Variants in MINDY2 observed in about 807,000 individuals in gnomAD.
MINDY2 encodes ubiquitin carboxyl-terminal hydrolase MINDY-2.
Under a neutral mutation model 68.2 loss-of-function variants are expected in MINDY2, and 52 were observed. The observed-to-expected ratio is 0.76, with a 90% CI of 0.61 to 0.96. The LOEUF (loss-of-function observed/expected upper bound fraction) is 0.96, where lower values mean the gene tolerates loss of function less well. Ranked by LOEUF, MINDY2 falls within the 40% of genes least tolerant of loss-of-function variation. The pLI, the probability that MINDY2 is intolerant of heterozygous loss-of-function variation, is 0.00. For missense variants in MINDY2, 881 were observed against 773.4 expected (o/e 1.14, Z -1.65); for synonymous variants, 372 against 303.0 (o/e 1.23, Z -2.36).
At chr15:58,848,887 C>T (rs1250557449) in intron 7 of MINDY2, among the ~76,000 whole-genome samples, 2 of 152,016 alleles carry the variant, frequency 1.3e-5, no homozygotes, top group South Asian at 2.1e-4. Flanking sequence ...GAGAAATATG[C>T]GAGATTTTTC....
intron 6 of MINDY2, among the ~76,000 whole-genome samples, chr15:58,837,934 A>C (rs138790473): frequency 6.9e-6 from 1 of 144,638 alleles, no homozygotes; most frequent in Non-Finnish European, 1.5e-5. Context: ...ATGCCACTGC[A>C]CTCCAACCTG....
chr15:58,802,808 A>G (rs755416711), intron 3 of MINDY2, among the ~76,000 whole-genome samples: 1 of 152,188 alleles, frequency 6.6e-6, no homozygotes, highest in African/African-American at 2.4e-5. Flanking sequence ...AAGTTTTGCT[A>G]TTTGATAGTT....
In MINDY2 at chr15:58,821,823, G is replaced by A; in HGVS notation, c.1225+4G>A. On this transcript the variant is annotated splice_donor_region_variant and intron_variant, in intron 5 of 8. Transcript: ENST00000559228. ...AATAGTGAGCTGGTTAGTGAAGGTG[G>A]GTGAGTGCTGCTATTTCCTGACTTT... 6.4e-7 allele frequency: 1 copy of A among 1,560,422 alleles called. No homozygotes were observed. The highest frequency in any genetic ancestry group is 1.4e-5 in the African/African-American group (1 of 72,302).
chr15:58,808,446 A>G (rs1567054202), intron 3 of MINDY2, among the ~76,000 whole-genome samples: 1 of 151,860 alleles, frequency 6.6e-6, no homozygotes, highest in African/African-American at 2.4e-5. Context: ...CCAGAATGTC[A>G]TTTGGAATTA....
intron 4 of MINDY2, among the ~76,000 whole-genome samples, chr15:58,819,479 G>A (rs1033022070): frequency 4.6e-5 from 7 of 152,184 alleles, no homozygotes; most frequent in African/African-American, 1.2e-4. Context: ...GTGACAGAGC[G>A]TGGGAGACAG....
chr15:58,788,034 C>T (rs1479843398), intron 2 of MINDY2, 71 bp downstream of exon 2: 1 of 1,038,474 alleles, frequency 9.6e-7, no homozygotes, highest in Non-Finnish European at 1.4e-6. Flanking sequence ...ATTACCCAGT[C>T]TCACCTTTCT....
At chr15:58,836,886 T>G (rs909910511) in intron 6 of MINDY2, among the ~76,000 whole-genome samples, 15 of 152,144 alleles carry the variant, frequency 9.9e-5, no homozygotes, top group African/African-American at 3.6e-4. Context: ...TCCCAGAGTG[T>G]TGGGATTACA....
chr15:58,783,121 A>C (rs2140907629), intron 1 of MINDY2, among the ~76,000 whole-genome samples: 1 of 151,874 alleles, frequency 6.6e-6, no homozygotes, highest in Middle Eastern at 3.4e-3. Context: ...GGATTTCACC[A>C]TGTTAGCCAG....
rs1476818591 is a variant in MINDY2, at chr15:58,828,693, T to TCC, written c.1226-3081_1226-3080insCC. ...CTCCTGCCTCAGCCTCCCGGGTAGCTGGGACTACAGGCGCCTGCCACCATG... is the reference window on the plus strand; with the variant it reads ...CTCCTGCCTCAGCCTCCCGGGTAGCTCCGGGACTACAGGCGCCTGCCACCATG... On this transcript the variant is annotated intron_variant, in intron 5 of 8. Transcript: ENST00000559228. 1.1e-4 allele frequency among the ~76,000 whole-genome samples: 17 copies of TCC among 150,866 alleles called. No individual in the cohort carries two copies. In the South Asian group the frequency reaches 3.1e-3, roughly 28 times the overall value.
intron 2 of MINDY2, among the ~76,000 whole-genome samples, chr15:58,792,987 G>A (rs1206212886): frequency 6.6e-6 from 1 of 152,050 alleles, no homozygotes; most frequent in Admixed American, 6.6e-5. Flanking sequence ...GGGTGAGAGA[G>A]CAAGAACCTT....
At chr15:58,772,788 C>T (rs545186997) in intron 1 of MINDY2, among the ~76,000 whole-genome samples, 3 of 152,300 alleles carry the variant, frequency 2.0e-5, no homozygotes. Flanking sequence ...ATTACCGTAA[C>T]TTCTTGGTTT....
chr15:58,801,646 G>T (rs918847317), intron 2 of MINDY2, among the ~76,000 whole-genome samples: 2 of 151,922 alleles, frequency 1.3e-5, no homozygotes, highest in Admixed American at 1.3e-4. Context: ...GAAAAGAAAA[G>T]AAATTTTTTT....
In MINDY2 at chr15:58,847,305, G is replaced by A. The variant is rs986117523; in HGVS notation, c.1377G>A (p.Leu459=). The change falls in exon 7 of 9, where the codon CTG becomes CTA. Residue 459 remains leucine (L), a synonymous_variant. Coordinates refer to ENST00000559228, the MANE Select transcript of MINDY2 (RefSeq NM_001040450.3). ...FSTMTKYKGQ[L]YLLVTDQGFL... ...TGTTACTTCTTATTAAGGGTCAACT[G>A]TATTTGTTGGTAACGGACCAGGGGT... 2.5e-6 allele frequency: 4 copies of A among 1,574,000 alleles called. No individual in the cohort carries two copies. Among genetic ancestry groups the A allele is most frequent in the Non-Finnish European group, 3.5e-6 (4 of 1,150,078 alleles).
At chr15:58,795,178 AAAAT>A (rs57658375) in intron 2 of MINDY2, among the ~76,000 whole-genome samples, 3 of 149,892 alleles carry the variant, frequency 2.0e-5, no homozygotes, top group Non-Finnish European at 4.4e-5. Context: ...TCGTCTCCAA[AAAAT>A]AAATAAATAA....
chr15:58,847,541 A>C, intron 7 of MINDY2, 71 bp downstream of exon 7: 1 of 1,332,054 alleles, frequency 7.5e-7, no homozygotes. Context: ...CATGTATCCA[A>C]AATTTTTCAA....
chr15:58,840,023 G>A (rs911761343), intron 6 of MINDY2, among the ~76,000 whole-genome samples: 28 of 151,888 alleles, frequency 1.8e-4, no homozygotes, highest in Non-Finnish European at 3.4e-4. Flanking sequence ...TAGTAGAGAC[G>A]GGGTTTTGTC....
rs1387010109 is a variant in MINDY2 at position 58,852,930 on chromosome 15, T to G, written c.1737+965T>G. ...GCCAGACTGCTGTTCCTGTTTTTTT[T>G]TTTTTTTTTTTTTTTTTTTTTTTTT... On this transcript the variant is annotated intron_variant, in intron 8 of 8. Transcript: ENST00000559228. Among the ~76,000 whole-genome samples the G allele has an allele frequency of 9.0e-3, 44 of 4,874 alleles. 1 individual carries two copies. The highest frequency in any genetic ancestry group is 0.089 in the South Asian group (10 of 112). The allele number at this position is 4,874 out of a possible 152,430, so 3.2% of individuals were successfully genotyped here.
At chr15:58,811,768 A>G (rs1261871541) in intron 4 of MINDY2, among the ~76,000 whole-genome samples, 1 of 152,216 alleles carries the variant, frequency 6.6e-6, no homozygotes, top group Non-Finnish European at 1.5e-5. Context: ...GCTGCAGTCC[A>G]TAGAGGTTAG....
intron 6 of MINDY2, among the ~76,000 whole-genome samples, chr15:58,835,159 G>T (rs1489198255): frequency 1.3e-5 from 2 of 152,090 alleles, no homozygotes; most frequent in Admixed American, 6.6e-5. Context: ...GCCTATTAAG[G>T]ACCTCGTAGT....
Sources: allele counts gnomAD v4.1 joint callset (sites outside exome capture counted in the v4.1 genomes callset), GRCh38; gene constraint gnomAD v4.1.1; transcripts MANE v1.5; gene names NCBI Gene and HGNC (gene_info 2026-07-23, HGNC 2026-07-21).